Variants in NCAPD3 observed in about 807,000 individuals in gnomAD.
The protein encoded by NCAPD3 is non-SMC condensin II complex subunit D3.
Under a neutral mutation model 182.9 loss-of-function variants are expected in NCAPD3, and 105 were observed. The ratio of observed to expected loss-of-function variants is 0.57; its 90% CI spans 0.49 to 0.68. NCAPD3 has a LOEUF of 0.68. Ranked by LOEUF, NCAPD3 falls within the 30% of genes least tolerant of loss-of-function variation. NCAPD3 has a pLI of 0.00. For synonymous variants in NCAPD3, 815 were observed against 679.9 expected, an observed-to-expected ratio of 1.20 and a Z score of -3.09; for missense variants, 1,944 against 1,837.0, an observed-to-expected ratio of 1.06 and a Z score of -1.07.
At chr11:134,155,088 G>A (rs548490681) in intron 32 of NCAPD3, among the ~76,000 whole-genome samples, 3 of 152,284 alleles carry the variant, frequency 2.0e-5, no homozygotes, top group South Asian at 4.1e-4. Context: ...GCGTAGAATC[G>A]AAGGCAGCAG....
upstream of NCAPD3, chr11:134,224,184 G>C (rs1360458294): frequency 1.7e-6 from 1 of 585,296 alleles, no homozygotes; most frequent in Non-Finnish European, 3.0e-6. Flanking sequence ...AGGAGCCAGG[G>C]CCTGAGTTAA....
upstream of NCAPD3, chr11:134,223,991 C>G: frequency 1.3e-6 from 2 of 1,574,428 alleles, no homozygotes; most frequent in Non-Finnish European, 1.7e-6. Context: ...GCGCGCGCGC[C>G]GAGTCGTTCC....
At chr11:134,188,682 C>T (rs1177522413) in intron 16 of NCAPD3, among the ~76,000 whole-genome samples, 1 of 152,146 alleles carries the variant, frequency 6.6e-6, no homozygotes, top group Non-Finnish European at 1.5e-5. Context: ...ACCACGAACC[C>T]ACCAGAGGGA....
chr11:134,188,801 C>T (rs924780413), intron 16 of NCAPD3, among the ~76,000 whole-genome samples: 4 of 152,082 alleles, frequency 2.6e-5, no homozygotes, highest in Admixed American at 6.5e-5. Context: ...TTGAAGTCAG[C>T]GAGACCAAGA....
At chr11:134,191,431 G>C (rs557696882) in intron 16 of NCAPD3, among the ~76,000 whole-genome samples, 1 of 152,080 alleles carries the variant, frequency 6.6e-6, no homozygotes, top group African/African-American at 2.4e-5. Flanking sequence ...TGGTTACACA[G>C]GCATACTCTC....
At chr11:134,203,554 C>T in intron 11 of NCAPD3, 100 bp downstream of exon 11, 1 of 1,442,488 alleles carries the variant, frequency 6.9e-7, no homozygotes, top group Non-Finnish European at 9.4e-7. Context: ...TAGATCATGC[C>T]ATACCTATTA....
At chr11:134,181,054 G>C (rs1337967796) in intron 20 of NCAPD3, 23 bp downstream of exon 20, 3 of 1,541,130 alleles carry the variant, frequency 1.9e-6, no homozygotes, top group South Asian at 2.2e-5. Context: ...CGAAAAGAAT[G>C]GTTAGGAAAA....
Position 134,194,703 on chromosome 11 carries a change from T to C in NCAPD3, c.1651A>G (p.Arg551Gly), listed in dbSNP as rs1944589904. Residue 551 changes from arginine to glycine, a missense_variant, in exon 14 of 35, where the codon AGG (arginine) becomes GGG (glycine). This residue lies in a region of NCAPD3 where 1,803 missense variants were observed against 1,674.6 expected (regional missense o/e 1.08). Transcript: ENST00000534548. ...TTCCTAACGTTGGTCTTCTCATCCC[T>C]GATCCTCCTTCTCAGCATTGCCATG... ...CVMAMLRRRI[R>G]DEKTNVRKSA... 6.2e-7 allele frequency: 1 copy of C among 1,609,960 alleles called. No individual in the cohort carries two copies. Among genetic ancestry groups the C allele is most frequent in the Non-Finnish European group, 8.5e-7 (1 of 1,177,972 alleles).
At chr11:134,184,810 T>TATACAC (rs752997177) in intron 18 of NCAPD3, 58 bp from the exon 19 acceptor site, 116 of 1,009,778 alleles carry the variant, frequency 1.1e-4, no homozygotes, top group Admixed American at 2.4e-4. Context: ...CAGGTATATA[T>TATACAC]ACACACACAC....
chr11:134,223,148 T>C, intron 1 of NCAPD3: 2 of 457,434 alleles, frequency 4.4e-6, no homozygotes, highest in Non-Finnish European at 7.9e-6. Flanking sequence ...AGGGGAAACA[T>C]TAAAGGTGTA....
chr11:134,210,055 CAAAAAG>C (rs549596236), intron 4 of NCAPD3, among the ~76,000 whole-genome samples: 234 of 150,536 alleles, frequency 1.6e-3, no homozygotes, highest in African/African-American at 5.3e-3. Context: ...GACTCTGTCT[CAAAAAG>C]AAAAAGAAAA....
intron 27 of NCAPD3, among the ~76,000 whole-genome samples, chr11:134,164,811 ACT>A (rs1484612611): frequency 6.8e-6 from 1 of 146,752 alleles, no homozygotes; most frequent in Non-Finnish European, 1.5e-5. Context: ...GGAACTTCAC[ACT>A]CATGAAATGA....
Position 134,178,735 on chromosome 11 carries a change from G to A in NCAPD3, c.2681C>T (p.Ser894Leu). 6.2e-7 allele frequency: 1 copy of A among 1,608,760 alleles called. No individual in the cohort carries two copies. Among genetic ancestry groups the A allele is most frequent in the Non-Finnish European group, 8.5e-7 (1 of 1,176,256 alleles). Reference sequence around the variant, plus strand: ...TGGGGCCTCACTGCTGCCTTGAGATGATGGTGCTGCAAAGAAGGGAGAGAA... The same window carrying A: ...TGGGGCCTCACTGCTGCCTTGAGATAATGGTGCTGCAAAGAAGGGAGAGAA... ...ASSADADHSP[S>L]SQGSSEAPAS... Residue 894 changes from serine (S) to leucine (L), a missense_variant, in exon 22 of 35, where the codon TCA becomes TTA. Ser to Leu is a moderately radical substitution (Grantham distance 145). Around this residue, in one of 3 missense-constraint regions of NCAPD3, gnomAD observed 1,803 missense variants for 1,674.6 expected, o/e 1.08. Transcript: ENST00000534548.
intron 22 of NCAPD3, chr11:134,177,882 C>CCTTTCTTT (rs35739849): frequency 0.078 from 11,912 of 153,324 alleles, 991 homozygotes; most frequent in East Asian, 0.22. Context: ...ATGCATGTCC[C>CCTTTCTTT]CTTTCTTTCT....
In NCAPD3 at chr11:134,218,113, G is replaced by GC; in HGVS notation, c.220-1016_220-1015insG. On this transcript the variant is annotated intron_variant, in intron 2 of 34. Transcript: ENST00000534548. ...ACCCTGGTCTCAAAAAAAAAAAAGG[G>GC]GGGGGGGGGAAGAAATCATCTCCTA... Among the ~76,000 whole-genome samples, 2 of 107,140 alleles carry GC rather than the reference G, an allele frequency of 1.9e-5. 1 individual carries two copies. The highest frequency in any genetic ancestry group is 6.0e-5 in the African/African-American group (2 of 33,554). The allele number at this position is 107,140 out of a possible 152,430, so 70.3% of individuals were successfully genotyped here.
intron 27 of NCAPD3, 69 bp from the exon 28 acceptor site, chr11:134,161,960 GTTCT>G (rs1228445536): frequency 1.1e-5 from 9 of 787,782 alleles, no homozygotes; most frequent in Non-Finnish European, 1.8e-5. Context: ...CCTTGATCTA[GTTCT>G]TTGAGTAGAG....
At chr11:134,167,286 G>C (rs1565526314) in intron 27 of NCAPD3, among the ~76,000 whole-genome samples, 1 of 139,794 alleles carries the variant, frequency 7.2e-6, no homozygotes, top group African/African-American at 2.7e-5. Context: ...TCACTTGTGA[G>C]ATGAGCTTGG....
rs1943485228 is a variant in NCAPD3, at chr11:134,158,333, C to T, written c.4030G>A (p.Ala1344Thr). The T allele has an allele frequency of 6.2e-7, 1 of 1,613,960 alleles. No homozygotes were observed. The highest frequency in any genetic ancestry group is 1.1e-5 in the South Asian group (1 of 91,078). Residue 1344 changes from alanine to threonine, a missense_variant, in exon 30 of 35, where the codon GCC (alanine) becomes ACC (threonine). By Grantham distance (58) the Ala-to-Thr change is moderately conservative. Around this residue, in one of 3 missense-constraint regions of NCAPD3, gnomAD observed 1,803 missense variants for 1,674.6 expected, o/e 1.08. Transcript: ENST00000534548. Reference protein sequence around the residue: ...TGPLQRLLPKARPMSLSTIAI... With the variant: ...TGPLQRLLPKTRPMSLSTIAI... ...TGGCCTCCAGGGGCTCTTTACCTGG[C>T]TTTGGGCAGCAACCTCTGCAATGGC...
intron 22 of NCAPD3, 132 bp from the exon 23 acceptor site, chr11:134,177,589 C>A (rs1944200935): frequency 5.4e-6 from 4 of 745,034 alleles, no homozygotes; most frequent in East Asian, 5.3e-5. Flanking sequence ...CAATCACAAA[C>A]AACAAAAAAC....
Sources: allele counts gnomAD v4.1 joint callset (sites outside exome capture counted in the v4.1 genomes callset), GRCh38; gene constraint gnomAD v4.1.1; regional missense constraint gnomAD v4.1.1; transcripts MANE v1.5; gene names NCBI Gene and HGNC (gene_info 2026-07-23, HGNC 2026-07-21).